DUOX1: variants seen among roughly 807,000 people sequenced by gnomAD.
DUOX1 encodes dual oxidase 1, also known as NADPH thyroid oxidase 1.
A neutral mutation model predicts 181.8 loss-of-function variants in DUOX1; 134 were observed. That is an observed-to-expected ratio of 0.74 (90% confidence interval 0.64 to 0.85). The LOEUF is 0.85. DUOX1 is among the 40% of genes least tolerant of loss of function. The pLI, the probability that DUOX1 is intolerant of heterozygous loss-of-function variation, is 0.00. For synonymous variants in DUOX1, 798 were observed against 832.5 expected (o/e 0.96, Z 0.71); for missense variants, 1,814 against 2,064.4 (o/e 0.88, Z 2.35).
rs373898472 is a variant in DUOX1 at position 45,148,379 on chromosome 15, G to T, written c.2750G>T (p.Trp917Leu). ...TTCCAGGACAAGGAGGAACTGACAT[G>T]GGAAGATTTTCACTTCATGCTGCGG... ...SGFQDKEELT[W>L]EDFHFMLRDH... Residue 917 changes from tryptophan (W) to leucine (L), a missense_variant, in exon 21 of 34, where the codon TGG becomes TTG. Around this residue, in one of 5 missense-constraint regions of DUOX1, gnomAD observed 1,064 missense variants for 1,152.9 expected, o/e 0.92. Transcript: ENST00000389037. 1.5e-5 allele frequency: 24 copies of T among 1,614,084 alleles called. No individual in the cohort carries two copies. The highest frequency in any genetic ancestry group is 1.9e-5 in the Non-Finnish European group (23 of 1,180,048).
chr15:45,152,366 A>G lies in DUOX1; in HGVS notation c.3274A>G (p.Ser1092Gly), dbSNP rs1484135155. Residue 1092 changes from serine to glycine, a missense_variant, in exon 25 of 34, where the codon AGC becomes GGC. Around this residue, in one of 5 missense-constraint regions of DUOX1, gnomAD observed 1,064 missense variants for 1,152.9 expected, o/e 0.92. Transcript: ENST00000389037. ...CATCCTGTCGCGGGGCACAGCAGCC[A>G]GCATCTCTTTCATGTTCTCCTACAT... is the stretch of plus-strand genomic sequence containing the variant. Reference protein sequence around the residue: ...GIILSRGTAASISFMFSYILL... With the variant: ...GIILSRGTAAGISFMFSYILL... 6.2e-7 allele frequency: 1 copy of G among 1,614,088 alleles called. No homozygotes were observed. The highest frequency in any genetic ancestry group is 8.5e-7 in the Non-Finnish European group (1 of 1,180,032).
intron 26 of DUOX1, chr15:45,153,688 G>A (rs1030229524): frequency 4.5e-6 from 3 of 664,386 alleles, no homozygotes; most frequent in Non-Finnish European, 8.0e-6. Context: ...TCTGAGTTGG[G>A]GTGCCTCCCC....
intron 27 of DUOX1, among the ~76,000 whole-genome samples, chr15:45,155,135 C>G (rs948263961): frequency 6.6e-6 from 1 of 152,280 alleles, no homozygotes; most frequent in Non-Finnish European, 1.5e-5. Context: ...ATTCAGCACA[C>G]ATTTATATAG....
At chr15:45,148,580 T>C (rs1484142710) in intron 21 of DUOX1, 133 bp downstream of exon 21, 6 of 881,334 alleles carry the variant, frequency 6.8e-6, no homozygotes, top group Non-Finnish European at 1.0e-5. Flanking sequence ...TGTAGTAATA[T>C]GTAATAATGT....
intron 27 of DUOX1, among the ~76,000 whole-genome samples, chr15:45,155,270 T>C (rs1896942582): frequency 6.6e-6 from 1 of 152,052 alleles, no homozygotes; most frequent in Non-Finnish European, 1.5e-5. Flanking sequence ...AATAATGACA[T>C]TGGTGAAAAA....
At chr15:45,144,000 G>C (rs1190254386) in intron 16 of DUOX1, 36 bp from the exon 17 acceptor site, 1 of 1,609,712 alleles carries the variant, frequency 6.2e-7, no homozygotes, top group South Asian at 1.1e-5. Context: ...CCTCTGATGG[G>C]TCCCAGCTGA....
At chr15:45,161,473 G>GAAGGA (rs1328560865) in intron 29 of DUOX1, among the ~76,000 whole-genome samples, 1 of 148,576 alleles carries the variant, frequency 6.7e-6, no homozygotes, top group African/African-American at 2.5e-5. Context: ...AGGAAGGAAG[G>GAAGGA]AAGGAAAGGA....
At position 45,139,600 on chromosome 15, in the gene DUOX1, G is replaced by A; in HGVS notation, c.1389+1G>A. ...TGCACTCTCCCGGAGCAATGACACT[G>A]TGAGGAGGGGTCAGGACCCAGAGGG... On this transcript the variant is annotated splice_donor_variant, in intron 12 of 33. Coordinates refer to ENST00000389037, the MANE Select transcript of DUOX1 (RefSeq NM_175940.3). LOFTEE classifies it high-confidence loss of function. The A allele has an allele frequency of 6.4e-7, 1 of 1,574,316 alleles. No homozygotes were observed. Among genetic ancestry groups the A allele is most frequent in the Non-Finnish European group, 8.6e-7 (1 of 1,161,050 alleles).
Position 45,153,494 on chromosome 15 carries a change from ATGTGTGTGTGTGTGTGTGTGTG to A in DUOX1, c.3524+47_3524+68del, listed in dbSNP as rs58154992. ...CATGATGATGGGTGAGTAAGTGCGA[ATGTGTGTGTGTGTGTGTGTGTG>A]TGTGTGTGTGTGTGTGTGTGTGTGT... On this transcript the variant is annotated intron_variant, in intron 26 of 33. Transcript: ENST00000389037. 1.2e-3 allele frequency: 1,032 copies of A among 886,416 alleles called. 11 individuals carry two copies. Among genetic ancestry groups the A allele is most frequent in the Non-Finnish European group, 1.4e-3 (872 of 605,236 alleles). The allele number at this position is 886,416 out of a possible 1,614,324, so 54.9% of individuals were successfully genotyped here.
Position 45,153,468 on chromosome 15 carries a change from C to T in DUOX1, c.3513C>T (p.Phe1171=). 2.5e-6 allele frequency: 4 copies of T among 1,611,014 alleles called. No homozygotes were observed. The highest frequency in any genetic ancestry group is 3.4e-6 in the Non-Finnish European group (4 of 1,178,848). The part of the protein sequence containing the change: ...SVLSCLFPGL[F]HDDGSELPQK... ...TCTCTTGCCTCTTTCCTGGCCTCTT[C>T]CATGATGATGGGTGAGTAAGTGCGA... Residue 1171 remains phenylalanine, a synonymous_variant, in exon 26 of 34, where the codon TTC becomes TTT. Transcript: ENST00000389037.
intron 10 of DUOX1, chr15:45,138,816 C>A: frequency 2.1e-6 from 1 of 482,468 alleles, no homozygotes; most frequent in Admixed American, 3.8e-5. Flanking sequence ...GTCAAGTATC[C>A]CAAGGTCAAA....
chr15:45,132,493 C>T (rs1302607942), intron 2 of DUOX1, among the ~76,000 whole-genome samples: 2 of 152,186 alleles, frequency 1.3e-5, no homozygotes, highest in Non-Finnish European at 2.9e-5. Context: ...TTGCTGCCTT[C>T]AGTAGACAGT....
At chr15:45,161,660 T>C in intron 29 of DUOX1, 78 bp from the exon 30 acceptor site, 3 of 1,279,914 alleles carry the variant, frequency 2.3e-6, no homozygotes, top group Non-Finnish European at 3.4e-6. Flanking sequence ...GAGCTGAGGC[T>C]GTGGGTGGGG....
intron 18 of DUOX1, 83 bp from the exon 19 acceptor site, chr15:45,147,350 G>A: frequency 1.3e-6 from 2 of 1,525,774 alleles, no homozygotes; most frequent in Non-Finnish European, 1.8e-6. Context: ...CACCTCAAAA[G>A]GTGGCTCCTA....
Position 45,137,904 on chromosome 15 carries a change from C to A in DUOX1, c.1023-20C>A. ...AACCCCATTATCTCAATCACCATCTCCCTGCTCCTTGCATTTCAGAAATGC... is the reference window on the plus strand; with the variant it reads ...AACCCCATTATCTCAATCACCATCTACCTGCTCCTTGCATTTCAGAAATGC... On this transcript the variant is annotated intron_variant, in intron 9 of 33. Coordinates refer to ENST00000389037, the MANE Select transcript of DUOX1 (RefSeq NM_175940.3). The A allele has an allele frequency of 6.3e-7, 1 of 1,587,162 alleles. No homozygotes were observed. Among genetic ancestry groups the A allele is most frequent in the South Asian group, 1.1e-5 (1 of 87,374 alleles).
At chr15:45,143,930 T>G in intron 16 of DUOX1, 106 bp from the exon 17 acceptor site, 16 of 1,085,062 alleles carry the variant, frequency 1.5e-5, no homozygotes, top group Non-Finnish European at 2.1e-5. Context: ...AAGGGGACAA[T>G]GAACTGTGGA....
intron 4 of DUOX1, 54 bp from the exon 5 acceptor site, chr15:45,135,050 A>G (rs578051039): frequency 1.1e-4 from 171 of 1,589,310 alleles, no homozygotes; most frequent in Middle Eastern, 1.7e-4. Context: ...ACCTAGGGTA[A>G]GAAGGAAAGT....
At chr15:45,160,785 T>C in intron 28 of DUOX1, 52 bp from the exon 29 acceptor site, 1 of 1,548,666 alleles carries the variant, frequency 6.5e-7, no homozygotes, top group Admixed American at 1.8e-5. Context: ...GCTGGCCCTG[T>C]ATTCTGCTAT....
Position 45,138,977 on chromosome 15 carries a change from GA to G in DUOX1, c.1114-88del, listed in dbSNP as rs1435825225. 11 of 1,206,326 alleles carry G rather than the reference GA, an allele frequency of 9.1e-6. No homozygotes were observed. The African/African-American group carries it at 1.7e-4, about 18-fold the overall frequency. 74.7% of individuals were successfully genotyped at this position (1,206,326 alleles called of 1,614,324 possible). A position where few individuals can be genotyped will look rare whatever the true frequency, so the allele number is the denominator to read the frequency against. The stretch of plus-strand genomic sequence containing the variant: ...AACAGCAGGACTGGGTGGGCTCAGG[GA>G]TAAGGATGATGGTGTGGAGGGAGCC... On this transcript the variant is annotated intron_variant, in intron 10 of 33. Transcript: ENST00000389037.
Sources: allele counts gnomAD v4.1 joint callset (sites outside exome capture counted in the v4.1 genomes callset), GRCh38; gene constraint gnomAD v4.1.1; regional missense constraint gnomAD v4.1.1; transcripts MANE v1.5; gene names NCBI Gene and HGNC (gene_info 2026-07-23, HGNC 2026-07-21).